Variants in TBC1D32 observed in about 807,000 individuals in gnomAD.
The protein encoded by TBC1D32 is protein broad-minded.
TBC1D32 carries 151 observed loss-of-function variants against 170.3 expected under a neutral mutation model. The observed-to-expected ratio is 0.89, with a 90% CI of 0.78 to 1.01. The LOEUF (loss-of-function observed/expected upper bound fraction) is 1.01, where lower values mean the gene tolerates loss of function less well. Among genes scored for constraint, TBC1D32 ranks in the 50% least tolerant of loss-of-function variants. TBC1D32 has a pLI of 0.00. For missense variants in TBC1D32, 1,464 were observed against 1,457.1 expected (o/e 1.00, Z -0.08); for synonymous variants, 498 against 488.0 (o/e 1.02, Z -0.27).
intron 20 of TBC1D32, among the ~76,000 whole-genome samples, chr6:121,230,647 A>ATG (rs1220029325): frequency 6.6e-6 from 1 of 150,834 alleles, no homozygotes; most frequent in Non-Finnish European, 1.5e-5. Flanking sequence ...TATATCTGAT[A>ATG]TATATATATA....
At chr6:121,329,200 T>C (rs1263497294) in intron 1 of TBC1D32, among the ~76,000 whole-genome samples, 1 of 151,284 alleles carries the variant, frequency 6.6e-6, no homozygotes, top group Non-Finnish European at 1.5e-5. Context: ...TACCTATATT[T>C]CCCAAAAAAA....
At chr6:121,316,640 C>T (rs942114080) in intron 3 of TBC1D32, among the ~76,000 whole-genome samples, 6 of 152,140 alleles carry the variant, frequency 3.9e-5, no homozygotes, top group Non-Finnish European at 8.8e-5. Context: ...CAATGCACAG[C>T]GACTTTTAAG....
chr6:121,154,384 C>A (rs113822262), intron 24 of TBC1D32, among the ~76,000 whole-genome samples: 3 of 152,148 alleles, frequency 2.0e-5, no homozygotes, highest in Non-Finnish European at 2.9e-5. Context: ...AGAAATCACC[C>A]GCCTTCTGCA....
chr6:121,168,635 C>T (rs1353827315), intron 22 of TBC1D32, among the ~76,000 whole-genome samples: 16 of 123,830 alleles, frequency 1.3e-4, no homozygotes, highest in African/African-American at 4.4e-4. Context: ...GTGGGTGCAG[C>T]GCACCAGCAT....
chr6:121,080,497 A>T lies in TBC1D32; in HGVS notation c.*274T>A, dbSNP rs1775535346. 1.1e-5 allele frequency: 3 copies of T among 281,566 alleles called. No homozygotes were observed. Among genetic ancestry groups the T allele is most frequent in the Non-Finnish European group, 2.0e-5 (3 of 148,556 alleles). 17.4% of individuals were successfully genotyped at this position (281,566 alleles called of 1,614,324 possible). A position where few individuals can be genotyped will look rare whatever the true frequency, so the allele number is the denominator to read the frequency against. The stretch of plus-strand genomic sequence containing the variant: ...CCAAAGTGCTGGGATTACAGGCATG[A>T]GCCACCGCGCCTGGCCAGGACTAAC... On this transcript the variant is annotated 3_prime_UTR_variant, in exon 32 of 32. Transcript: ENST00000398212.
intron 1 of TBC1D32, among the ~76,000 whole-genome samples, chr6:121,330,702 C>G (rs1451137921): frequency 6.6e-6 from 1 of 152,076 alleles, no homozygotes; most frequent in Admixed American, 6.6e-5. Context: ...CTGCCAAAAC[C>G]CCCAGGAAAT....
At chr6:121,281,114 A>G (rs1032617867) in intron 14 of TBC1D32, among the ~76,000 whole-genome samples, 4 of 151,862 alleles carry the variant, frequency 2.6e-5, no homozygotes, top group East Asian at 1.9e-4. Context: ...GGAATTCTAT[A>G]TAAGTGTTCT....
chr6:121,138,612 T>G (rs570051774), intron 24 of TBC1D32, among the ~76,000 whole-genome samples: 68 of 152,284 alleles, frequency 4.5e-4, no homozygotes, highest in Middle Eastern at 3.4e-3. Flanking sequence ...CAATTACCTT[T>G]ATCTGCAGAA....
intron 30 of TBC1D32, among the ~76,000 whole-genome samples, chr6:121,101,493 G>T (rs948490374): frequency 1.3e-5 from 2 of 151,796 alleles, no homozygotes; most frequent in Non-Finnish European, 2.9e-5. Flanking sequence ...AAACCACATG[G>T]TTACCTCAAT....
At chr6:121,133,643 A>G (rs1255431957) in intron 24 of TBC1D32, among the ~76,000 whole-genome samples, 1 of 152,002 alleles carries the variant, frequency 6.6e-6, no homozygotes, top group Non-Finnish European at 1.5e-5. Flanking sequence ...CGTCAGAAAA[A>G]CCCTTTTTAT....
intron 22 of TBC1D32, among the ~76,000 whole-genome samples, chr6:121,201,734 T>A (rs1036497536): frequency 6.6e-6 from 1 of 151,228 alleles, no homozygotes; most frequent in Non-Finnish European, 1.5e-5. Flanking sequence ...TTTTTATATA[T>A]CTGCATATCT....
chr6:121,080,712 G>GC lies in TBC1D32; in HGVS notation c.*58dup. On this transcript the variant is annotated 3_prime_UTR_variant, in exon 32 of 32. Transcript: ENST00000398212. ...TGTTACAGACACAGAAAAACATCAA[G>GC]CCCCCCTGCTGTGTTTAAAAATAAA... 2.0e-6 allele frequency: 3 copies of GC among 1,529,142 alleles called. No individual in the cohort carries two copies. Among genetic ancestry groups the GC allele is most frequent in the South Asian group, 2.6e-5 (2 of 77,398 alleles). The allele number at this position is 1,529,142 out of a possible 1,614,324, so 94.7% of individuals were successfully genotyped here.
intron 26 of TBC1D32, among the ~76,000 whole-genome samples, chr6:121,122,364 T>C (rs1338581520): frequency 1.3e-5 from 2 of 152,020 alleles, no homozygotes; most frequent in Non-Finnish European, 2.9e-5. Flanking sequence ...TAGGATGTCA[T>C]GCCTATGTTC....
chr6:121,317,462 T>G, intron 3 of TBC1D32, 33 bp downstream of exon 3: 1 of 1,471,538 alleles, frequency 6.8e-7, no homozygotes. Context: ...TAAACAGCAT[T>G]TCAAGACATA....
chr6:121,196,420 G>T (rs1790744698), intron 22 of TBC1D32, among the ~76,000 whole-genome samples: 1 of 152,168 alleles, frequency 6.6e-6, no homozygotes, highest in African/African-American at 2.4e-5. Context: ...GTGGCAAGCT[G>T]CTTACAATGG....
At chr6:121,243,355 C>T (rs921464913) in intron 17 of TBC1D32, among the ~76,000 whole-genome samples, 1 of 152,044 alleles carries the variant, frequency 6.6e-6, no homozygotes, top group Non-Finnish European at 1.5e-5. Flanking sequence ...TATTGACTGG[C>T]TGACCCAATC....
intron 22 of TBC1D32, among the ~76,000 whole-genome samples, chr6:121,184,646 C>T (rs1433409244): frequency 6.6e-6 from 1 of 151,812 alleles, no homozygotes; most frequent in Admixed American, 6.6e-5. Flanking sequence ...ACCTTTACTC[C>T]AGCAGGTTCA....
chr6:121,170,483 A>G, intron 22 of TBC1D32: 1 of 1,608,170 alleles, frequency 6.2e-7, no homozygotes, highest in Non-Finnish European at 8.5e-7. Context: ...CTGAGCCTCT[A>G]ACAGGAGAAG....
chr6:121,084,766 CA>C (rs1373189943), intron 31 of TBC1D32, among the ~76,000 whole-genome samples: 5 of 151,990 alleles, frequency 3.3e-5, no homozygotes, highest in Non-Finnish European at 7.4e-5. Context: ...AGGCCTTTTG[CA>C]GTAGTAAACA....
Sources: allele counts gnomAD v4.1 joint callset (sites outside exome capture counted in the v4.1 genomes callset), GRCh38; gene constraint gnomAD v4.1.1; transcripts MANE v1.5; gene names NCBI Gene and HGNC (gene_info 2026-07-23, HGNC 2026-07-21).